RPS6KA2: variants seen among roughly 807,000 people sequenced by gnomAD.
RPS6KA2 encodes ribosomal protein S6 kinase A2, also known as ribosomal protein S6 kinase alpha-2.
In RPS6KA2, 42 loss-of-function variants were observed where a neutral mutation model predicts 91.8. That is an observed-to-expected ratio of 0.46 (90% confidence interval 0.36 to 0.59). The LOEUF (loss-of-function observed/expected upper bound fraction) is 0.59, where lower values mean the gene tolerates loss of function less well. Ranked by LOEUF, RPS6KA2 falls within the 20% of genes least tolerant of loss-of-function variation. The probability of loss-of-function intolerance (pLI) is 0.00; values close to 1 mark genes in which losing one functional copy is unlikely to be tolerated. For synonymous variants in RPS6KA2, 414 were observed against 393.6 expected, an observed-to-expected ratio of 1.05 and a Z score of -0.61; for missense variants, 798 against 978.5, an observed-to-expected ratio of 0.82 and a Z score of 2.46.
chr6:166,833,976 C>T (rs1281626456), intron 2 of RPS6KA2, among the ~76,000 whole-genome samples: 3 of 151,962 alleles, frequency 2.0e-5, no homozygotes, highest in Admixed American at 6.6e-5. Context: ...TCAAGTGATC[C>T]TCCCATCTTG....
intron 2 of RPS6KA2, among the ~76,000 whole-genome samples, chr6:166,748,081 T>C (rs1450166343): frequency 6.6e-6 from 1 of 152,098 alleles, no homozygotes; most frequent in Non-Finnish European, 1.5e-5. Flanking sequence ...CAGGGGGTGG[T>C]GACCAGGGTG....
At chr6:166,779,667 C>A (rs965569989) in intron 2 of RPS6KA2, among the ~76,000 whole-genome samples, 1 of 152,180 alleles carries the variant, frequency 6.6e-6, no homozygotes, top group East Asian at 1.9e-4. Flanking sequence ...TGCTCTGTGT[C>A]CTTAGGTGAG....
intron 11 of RPS6KA2, among the ~76,000 whole-genome samples, chr6:166,462,255 T>C (rs1008289187): frequency 1.3e-5 from 2 of 152,174 alleles, no homozygotes; most frequent in Non-Finnish European, 2.9e-5. Flanking sequence ...CCCCTCCCCA[T>C]GGAACCCCCG....
At chr6:166,657,340 C>CAA (rs11309693) in intron 2 of RPS6KA2, among the ~76,000 whole-genome samples, 1 of 143,094 alleles carries the variant, frequency 7.0e-6, no homozygotes, top group East Asian at 2.0e-4. Flanking sequence ...CAAAACAGAA[C>CAA]AAAAAAAAAA....
chr6:166,525,536 C>T (rs115343998), intron 3 of RPS6KA2, among the ~76,000 whole-genome samples: 1,658 of 152,224 alleles, frequency 0.011, 25 homozygotes, highest in African/African-American at 0.036. Flanking sequence ...ATGGAGCCGT[C>T]GGAAGCCATT....
chr6:166,670,862 C>T (rs1420283450), intron 2 of RPS6KA2, among the ~76,000 whole-genome samples: 1 of 152,170 alleles, frequency 6.6e-6, no homozygotes, highest in Non-Finnish European at 1.5e-5. Flanking sequence ...ACTCTGTCGC[C>T]CAGGCTGGAG....
Position 166,702,717 on chromosome 6 carries a change from G to A in RPS6KA2, c.123+155483C>T, listed in dbSNP as rs544442690. ...CCCAGATCTCGTCTGGGCAGTCCAC[G>A]AACGCGTAGCCAATCTTCACCAGGA... is the stretch of plus-strand genomic sequence containing the variant. On this transcript the variant is annotated intron_variant, in intron 2 of 21. Coordinates refer to the RPS6KA2 transcript ENST00000503859. 235 of 1,287,670 alleles carry A rather than the reference G, an allele frequency of 1.8e-4. 2 individuals carry two copies. The highest frequency in any genetic ancestry group is 1.2e-3 in the South Asian group (99 of 84,208). The allele number at this position is 1,287,670 out of a possible 1,614,324, so 79.8% of individuals were successfully genotyped here. A position where few individuals can be genotyped will look rare whatever the true frequency, so the allele number is the denominator to read the frequency against.
intron 2 of RPS6KA2, among the ~76,000 whole-genome samples, chr6:166,651,177 T>C (rs9364864): frequency 0.14 from 21,248 of 152,226 alleles, 1,525 homozygotes; most frequent in East Asian, 0.19. Flanking sequence ...TGGTATTTTC[T>C]ACTTTATCTC....
At chr6:166,456,414 A>G (rs1337944512) in intron 12 of RPS6KA2, among the ~76,000 whole-genome samples, 1 of 152,268 alleles carries the variant, frequency 6.6e-6, no homozygotes, top group Non-Finnish European at 1.5e-5. Flanking sequence ...GTAGAACTAC[A>G]GTAATTACAA....
At chr6:166,744,074 C>A (rs11752971) in intron 2 of RPS6KA2, among the ~76,000 whole-genome samples, 1 of 152,184 alleles carries the variant, frequency 6.6e-6, no homozygotes, top group Admixed American at 6.5e-5. Context: ...CCCTGAGCAC[C>A]TGAGTATCCC....
At chr6:166,544,025 C>T (rs914246668) in intron 1 of RPS6KA2, among the ~76,000 whole-genome samples, 1 of 152,242 alleles carries the variant, frequency 6.6e-6, no homozygotes, top group Non-Finnish European at 1.5e-5. Flanking sequence ...AACAGCCAAG[C>T]TCAAATTCAC....
intron 2 of RPS6KA2, among the ~76,000 whole-genome samples, chr6:166,695,188 C>T (rs764398226): frequency 6.6e-5 from 10 of 152,196 alleles, no homozygotes; most frequent in Non-Finnish European, 1.0e-4. Flanking sequence ...GTTGGAGAGA[C>T]AGGAACATCC....
In RPS6KA2 at chr6:166,643,436, A is replaced by C. The variant is rs551433961; in HGVS notation, c.124-104652T>G. ...AAAAGAAGTAACATTAATGTCATACATAGGATGCAACAAGCATTCATAGAT... is the reference window on the plus strand; with the variant it reads ...AAAAGAAGTAACATTAATGTCATACCTAGGATGCAACAAGCATTCATAGAT... On this transcript the variant is annotated intron_variant, in intron 2 of 21. Coordinates refer to the RPS6KA2 transcript ENST00000503859. 7.2e-5 allele frequency among the ~76,000 whole-genome samples: 11 copies of C among 152,360 alleles called. No homozygotes were observed. In the East Asian group the frequency reaches 1.5e-3, roughly 21 times the overall value.
chr6:166,492,553 C>T (rs1169899525), intron 8 of RPS6KA2, among the ~76,000 whole-genome samples: 3 of 152,220 alleles, frequency 2.0e-5, no homozygotes, highest in Non-Finnish European at 4.4e-5. Flanking sequence ...AATCCCATTT[C>T]CAAGGACAAG....
chr6:166,788,098 T>C (rs1360092110), intron 2 of RPS6KA2, among the ~76,000 whole-genome samples: 1 of 152,066 alleles, frequency 6.6e-6, no homozygotes, highest in Non-Finnish European at 1.5e-5. Context: ...TCACTGATCA[T>C]TAGGTATTAT....
chr6:166,600,352 A>G (rs1290030836), intron 1 of RPS6KA2, among the ~76,000 whole-genome samples: 1 of 152,240 alleles, frequency 6.6e-6, no homozygotes, highest in East Asian at 1.9e-4. Flanking sequence ...ATGGGCTCCA[A>G]GGGCAGAGAC....
In RPS6KA2 at chr6:166,627,244, C is replaced by G. The variant is rs886091425; in HGVS notation, c.-225G>C. Reference sequence around the variant, plus strand: ...CCCTCCGCCTCCTTCTCCGCCTCCCCTGCGAGTACCAGCGCCGGCCACGCG... The same window carrying G: ...CCCTCCGCCTCCTTCTCCGCCTCCCGTGCGAGTACCAGCGCCGGCCACGCG... On this transcript the variant is annotated 5_prime_UTR_variant, in exon 1 of 21. Transcript: ENST00000265678. 1.1e-5 allele frequency: 11 copies of G among 1,017,882 alleles called. No individual in the cohort carries two copies. The African/African-American group carries it at 1.4e-4, about 13-fold the overall frequency. 63.1% of individuals were successfully genotyped at this position (1,017,882 alleles called of 1,614,324 possible). A position where few individuals can be genotyped will look rare whatever the true frequency, so the allele number is the denominator to read the frequency against.
intron 3 of RPS6KA2, among the ~76,000 whole-genome samples, chr6:166,514,736 A>G (rs975043105): frequency 1.3e-5 from 2 of 152,210 alleles, no homozygotes; most frequent in African/African-American, 4.8e-5. Flanking sequence ...GCAAAAGGAT[A>G]CTGCTATCCA....
intron 10 of RPS6KA2, among the ~76,000 whole-genome samples, chr6:166,471,032 G>T (rs1487033120): frequency 6.6e-6 from 1 of 152,112 alleles, no homozygotes; most frequent in Non-Finnish European, 1.5e-5. Flanking sequence ...GGCTGGGGAG[G>T]GTCTGATCCC....
Sources: allele counts gnomAD v4.1 joint callset (sites outside exome capture counted in the v4.1 genomes callset), GRCh38; gene constraint gnomAD v4.1.1; transcripts MANE v1.5; gene names NCBI Gene and HGNC (gene_info 2026-07-23, HGNC 2026-07-21).